The following TCERG1L variants were observed in gnomAD, a reference collection of about 807,000 sequenced individuals.
TCERG1L encodes the protein transcription elongation regulator 1-like protein.
Under a neutral mutation model 56.3 loss-of-function variants are expected in TCERG1L, and 37 were observed. The ratio of observed to expected loss-of-function variants is 0.66; its 90% CI spans 0.51 to 0.87. The LOEUF is 0.87. Among genes scored for constraint, TCERG1L ranks in the 40% least tolerant of loss-of-function variants. TCERG1L has a pLI of 0.00. For missense variants in TCERG1L, 799 were observed against 774.2 expected (o/e 1.03, Z -0.38); for synonymous variants, 324 against 326.3 (o/e 0.99, Z 0.08).
At chr10:131,157,822 C>T (rs1192230494) in intron 6 of TCERG1L, among the ~76,000 whole-genome samples, 1 of 152,292 alleles carries the variant, frequency 6.6e-6, no homozygotes, top group Middle Eastern at 3.4e-3. Flanking sequence ...AAATACCATG[C>T]CTGGGACACG....
In TCERG1L at chr10:131,287,157, T is replaced by C. The variant is rs545376060; in HGVS notation, c.670+21054A>G. On this transcript the variant is annotated intron_variant, in intron 3 of 11. Coordinates refer to ENST00000368642, the MANE Select transcript of TCERG1L (RefSeq NM_174937.4). ...AGCATTATATTTCTGCTGGAGAATG[T>C]TACTTTAGAATAGGTATCAGAGACG... Among the ~76,000 whole-genome samples the C allele has an allele frequency of 3.3e-5, 5 of 152,334 alleles. No homozygotes were observed. The East Asian group carries it at 9.6e-4, about 29-fold the overall frequency.
At chr10:131,187,393 C>T (rs926507700) in intron 4 of TCERG1L, among the ~76,000 whole-genome samples, 1 of 152,192 alleles carries the variant, frequency 6.6e-6, no homozygotes, top group Non-Finnish European at 1.5e-5. Flanking sequence ...CCAGACTCTC[C>T]AGTTGTACTA....
intron 3 of TCERG1L, among the ~76,000 whole-genome samples, chr10:131,290,634 A>C (rs926659228): frequency 3.0e-5 from 2 of 65,936 alleles, no homozygotes; most frequent in African/African-American, 1.0e-4. Flanking sequence ...CCCATCTCAA[A>C]AAAAAAAAAA....
At chr10:131,223,173 G>C (rs925995052) in intron 4 of TCERG1L, among the ~76,000 whole-genome samples, 13 of 152,232 alleles carry the variant, frequency 8.5e-5, no homozygotes, top group Admixed American at 3.3e-4. Flanking sequence ...CAGGAGACCA[G>C]GAGATCTGCC....
chr10:131,270,079 G>A (rs1049323610), intron 3 of TCERG1L, among the ~76,000 whole-genome samples: 1 of 152,192 alleles, frequency 6.6e-6, no homozygotes, highest in Admixed American at 6.5e-5. Context: ...GAAGAGGTGT[G>A]GGTTGCTTTG....
intron 6 of TCERG1L, chr10:131,162,172 G>A (rs528700592): frequency 6.6e-6 from 1 of 152,232 alleles, no homozygotes; most frequent in African/African-American, 2.4e-5. Flanking sequence ...CATCAGAATC[G>A]AGCTAAATTG....
chr10:131,176,929 G>GAGACACATGAACACACACC (rs1846163725), intron 4 of TCERG1L, among the ~76,000 whole-genome samples: 1 of 2,200 alleles, frequency 4.5e-4, no homozygotes, highest in Admixed American at 4.0e-3. Flanking sequence ...CATGCACACA[G>GAGACACATGAACACACACC]ACACGTGAAC....
intron 7 of TCERG1L, among the ~76,000 whole-genome samples, chr10:131,141,594 TC>T (rs1217532614): frequency 6.6e-6 from 1 of 151,802 alleles, no homozygotes; most frequent in African/African-American, 2.4e-5. Context: ...CTTCCTCTCC[TC>T]CCTCCCTTCC....
At chr10:131,208,085 C>T (rs1845563419) in intron 4 of TCERG1L, among the ~76,000 whole-genome samples, 1 of 152,136 alleles carries the variant, frequency 6.6e-6, no homozygotes, top group African/African-American at 2.4e-5. Context: ...CACTATCCCA[C>T]ATGAGGACCC....
rs745847003 is a variant in TCERG1L at position 131,116,866 on chromosome 10, G to A, written c.1328C>T (p.Pro443Leu). 6 of 1,591,694 alleles carry A rather than the reference G, an allele frequency of 3.8e-6. No individual in the cohort carries two copies. In the Admixed American group the frequency reaches 8.8e-5, roughly 23 times the overall value. Residue 443 changes from proline (P) to leucine (L), a missense_variant, in exon 9 of 12, where the codon CCC (proline) becomes CTC (leucine). Pro to Leu is a moderately conservative substitution (Grantham distance 98, BLOSUM62 -3). Transcript: ENST00000368642. ...KREDKGTRTP[P>L]PQILLPLEER... ...CTCCAGAGGCAGGAGGATCTGCGGG[G>A]GCGGCGTCCTTGTGCCTTTGTCCTC...
At chr10:131,294,197 C>T (rs1270212534) in intron 3 of TCERG1L, among the ~76,000 whole-genome samples, 1 of 152,022 alleles carries the variant, frequency 6.6e-6, no homozygotes, top group Non-Finnish European at 1.5e-5. Flanking sequence ...ATGATCAGGC[C>T]CAGAGAGGCT....
intron 4 of TCERG1L, among the ~76,000 whole-genome samples, chr10:131,254,320 T>TATAG (rs999617923): frequency 1.3e-4 from 20 of 149,982 alleles, no homozygotes; most frequent in Admixed American, 8.7e-4. Flanking sequence ...TATATATATA[T>TATAG]AGTAAGTATT....
chr10:131,243,455 C>T (rs149620883), intron 4 of TCERG1L, among the ~76,000 whole-genome samples: 1 of 152,242 alleles, frequency 6.6e-6, no homozygotes, highest in Non-Finnish European at 1.5e-5. Context: ...GTGGTATGCA[C>T]CTGTAATCCT....
At chr10:131,265,095 T>C (rs1846272395) in intron 3 of TCERG1L, among the ~76,000 whole-genome samples, 1 of 152,030 alleles carries the variant, frequency 6.6e-6, no homozygotes, top group Non-Finnish European at 1.5e-5. Flanking sequence ...CTCAATCTGT[T>C]GTTTGAAATG....
At chr10:131,250,219 G>A (rs569683881) in intron 4 of TCERG1L, among the ~76,000 whole-genome samples, 1 of 152,306 alleles carries the variant, frequency 6.6e-6, no homozygotes, top group South Asian at 2.1e-4. Context: ...GAGACTGGCT[G>A]GGGTTTCTGC....
At chr10:131,123,177 C>T (rs912844174) in intron 8 of TCERG1L, among the ~76,000 whole-genome samples, 2 of 152,182 alleles carry the variant, frequency 1.3e-5, no homozygotes, top group African/African-American at 4.8e-5. Context: ...CTGCTCCAAA[C>T]CCCAGGATCC....
intron 7 of TCERG1L, among the ~76,000 whole-genome samples, chr10:131,143,681 G>A (rs924392181): frequency 3.3e-5 from 5 of 152,140 alleles, no homozygotes; most frequent in African/African-American, 4.8e-5. Flanking sequence ...ACGCGGGCAC[G>A]GGTGGGAACA....
At chr10:131,117,058 A>G in intron 8 of TCERG1L, 124 bp from the exon 9 acceptor site, 1 of 1,294,580 alleles carries the variant, frequency 7.7e-7, no homozygotes, top group Non-Finnish European at 1.0e-6. Context: ...ACAACTCTTT[A>G]TAAAGCCTGA....
intron 3 of TCERG1L, among the ~76,000 whole-genome samples, chr10:131,285,290 A>G (rs1846509879): frequency 6.6e-6 from 1 of 151,774 alleles, no homozygotes; most frequent in African/African-American, 2.4e-5. Flanking sequence ...AGGCAGGAGA[A>G]TCACTTGAAC....
Sources: gnomAD v4.1 joint callset for allele counts (sites outside exome capture counted in the v4.1 genomes callset) on GRCh38, gnomAD v4.1.1 for gene constraint, MANE v1.5 for transcripts, NCBI Gene and HGNC (gene_info 2026-07-23, HGNC 2026-07-21) for gene names.